The following SPG21 variants were observed in gnomAD, a reference collection of about 807,000 sequenced individuals.
The protein encoded by SPG21 is maspardin.
In SPG21, 26 loss-of-function variants were observed where a neutral mutation model predicts 38.9. The ratio of observed to expected loss-of-function variants is 0.67; its 90% CI spans 0.49 to 0.93. The LOEUF is 0.93. SPG21 is among the 40% of genes least tolerant of loss of function. The pLI, the probability that SPG21 is intolerant of heterozygous loss-of-function variation, is 0.00. For synonymous variants in SPG21, 136 were observed against 128.9 expected (o/e 1.05, Z -0.37); for missense variants, 333 against 376.5 (o/e 0.88, Z 0.96).
intron 1 of SPG21, chr15:64,987,153 A>G (rs1473620259): frequency 6.6e-6 from 1 of 152,232 alleles, no homozygotes; most frequent in African/African-American, 2.4e-5. Flanking sequence ...ATAGCAGTAA[A>G]TAGAAAGATG....
intron 7 of SPG21, among the ~76,000 whole-genome samples, chr15:64,967,459 A>C (rs1391512577): frequency 1.4e-5 from 2 of 144,184 alleles, no homozygotes; most frequent in African/African-American, 5.1e-5. Context: ...CACCATGTCC[A>C]GCTAATTTTC....
chr15:64,965,918 T>A (rs1455051563), intron 7 of SPG21, among the ~76,000 whole-genome samples: 2 of 152,028 alleles, frequency 1.3e-5, no homozygotes, highest in East Asian at 3.9e-4. Context: ...GCCAGGCTGG[T>A]CTCAAACTCC....
chr15:64,989,408 A>G (rs2086070236), intron 1 of SPG21: 1 of 152,422 alleles, frequency 6.6e-6, no homozygotes. Flanking sequence ...AGACTCACAC[A>G]CAGCTCCCCG....
At chr15:64,978,218 C>T (rs1270066626) in intron 3 of SPG21, among the ~76,000 whole-genome samples, 5 of 151,438 alleles carry the variant, frequency 3.3e-5, no homozygotes, top group East Asian at 4.0e-4. Flanking sequence ...GAGGCCGAGG[C>T]GGGTGAATCA....
chr15:64,966,489 A>G (rs2085542285), intron 7 of SPG21, among the ~76,000 whole-genome samples: 1 of 152,252 alleles, frequency 6.6e-6, no homozygotes, highest in Non-Finnish European at 1.5e-5. Flanking sequence ...AGGACCATTG[A>G]AAAGCTTGTT....
chr15:64,967,508 T>G (rs942651617), intron 7 of SPG21, among the ~76,000 whole-genome samples: 3 of 150,828 alleles, frequency 2.0e-5, no homozygotes, highest in Admixed American at 6.6e-5. Flanking sequence ...GAAGTCTCAC[T>G]CTATTGGCAG....
At chr15:64,987,813 T>C (rs1352919206) in intron 1 of SPG21, among the ~76,000 whole-genome samples, 1 of 152,128 alleles carries the variant, frequency 6.6e-6, no homozygotes, top group African/African-American at 2.4e-5. Context: ...GGCAGGTGGA[T>C]CACCTGAGGT....
At chr15:64,982,426 G>A (rs1482574371) in intron 2 of SPG21, among the ~76,000 whole-genome samples, 5 of 152,108 alleles carry the variant, frequency 3.3e-5, no homozygotes, top group Non-Finnish European at 7.4e-5. Flanking sequence ...GATTACAGGT[G>A]CACAGCACCA....
Position 64,963,431 on chromosome 15 carries a change from A to T in SPG21, c.*189T>A. On this transcript the variant is annotated 3_prime_UTR_variant, in exon 9 of 9. Coordinates refer to ENST00000204566, the MANE Select transcript of SPG21 (RefSeq NM_016630.7). Reference sequence around the variant, plus strand: ...AATTCAAAAGCTAAGAAAACCAAAGAGGGAACAGTTACACAGGCTTAGTGG... The same window carrying T: ...AATTCAAAAGCTAAGAAAACCAAAGTGGGAACAGTTACACAGGCTTAGTGG... 2 of 584,002 alleles carry T rather than the reference A, an allele frequency of 3.4e-6. No homozygotes were observed. Among genetic ancestry groups the T allele is most frequent in the Non-Finnish European group, 6.1e-6 (2 of 327,734 alleles). The allele number at this position is 584,002 out of a possible 1,614,324, so 36.2% of individuals were successfully genotyped here.
intron 7 of SPG21, among the ~76,000 whole-genome samples, chr15:64,965,892 G>C (rs2085532138): frequency 6.6e-6 from 1 of 152,036 alleles, no homozygotes; most frequent in East Asian, 1.9e-4. Flanking sequence ...AGTAGAGATG[G>C]GGTTTCACCA....
At chr15:64,981,288 C>CT in intron 2 of SPG21, 1 of 360,018 alleles carries the variant, frequency 2.8e-6, no homozygotes, top group Non-Finnish European at 5.1e-6. Flanking sequence ...TCCCCCTCCT[C>CT]CTTTTTTTTT....
chr15:64,970,293 A>C, intron 5 of SPG21, 71 bp from the exon 6 acceptor site: 2 of 1,277,372 alleles, frequency 1.6e-6, no homozygotes, highest in Admixed American at 3.4e-5. Flanking sequence ...TCAACATTAA[A>C]GCTTTGTATT....
intron 5 of SPG21, among the ~76,000 whole-genome samples, chr15:64,972,949 T>G (rs1265638496): frequency 6.6e-6 from 1 of 152,218 alleles, no homozygotes; most frequent in Non-Finnish European, 1.5e-5. Context: ...ACACTGATCA[T>G]ACAGATGTGT....
intron 7 of SPG21, 84 bp downstream of exon 7, chr15:64,969,171 A>G (rs748343690): frequency 1.6e-5 from 16 of 993,692 alleles, no homozygotes; most frequent in Non-Finnish European, 2.6e-5. Flanking sequence ...AGGTACATTG[A>G]AAGTTATCAA....
chr15:64,982,019 G>T (rs1456688567), intron 2 of SPG21, among the ~76,000 whole-genome samples: 1 of 152,090 alleles, frequency 6.6e-6, no homozygotes, highest in African/African-American at 2.4e-5. Context: ...ATGGAGCAAG[G>T]CAAAGTCCAG....
intron 1 of SPG21, among the ~76,000 whole-genome samples, chr15:64,984,669 G>A (rs1044852720): frequency 1.3e-5 from 2 of 151,498 alleles, no homozygotes; most frequent in African/African-American, 2.4e-5. Flanking sequence ...AGAAGTTTAA[G>A]TTAAGCCTGC....
At position 64,969,900 on chromosome 15, in the gene SPG21, T is replaced by C. The variant is rs193067193; in HGVS notation, c.561+214A>G. Among the ~76,000 whole-genome samples the C allele has an allele frequency of 2.0e-5, 3 of 152,314 alleles. No homozygotes were observed. In the East Asian group the frequency reaches 5.8e-4, roughly 29 times the overall value. On this transcript the variant is annotated intron_variant, in intron 6 of 8. Coordinates refer to ENST00000204566, the MANE Select transcript of SPG21 (RefSeq NM_016630.7). ...CTGCTGTGAGGCCTTACAATCTGTA[T>C]TTTTGAAAGCTCCCCTAAGTGATTT...
intron 2 of SPG21, 59 bp downstream of exon 2, chr15:64,983,448 T>C: frequency 8.3e-7 from 1 of 1,208,212 alleles, no homozygotes; most frequent in South Asian, 1.3e-5. Flanking sequence ...GACATCTAAA[T>C]CACACACAAA....
intron 4 of SPG21, among the ~76,000 whole-genome samples, chr15:64,975,568 T>C (rs2085758772): frequency 6.7e-6 from 1 of 150,260 alleles, no homozygotes; most frequent in African/African-American, 2.4e-5. Context: ...CACTTAGTGG[T>C]TTATGTCTAA....
Sources: gnomAD v4.1 joint callset for allele counts (sites outside exome capture counted in the v4.1 genomes callset) on GRCh38, gnomAD v4.1.1 for gene constraint, MANE v1.5 for transcripts, NCBI Gene and HGNC (gene_info 2026-07-23, HGNC 2026-07-21) for gene names.